TTC21B: variants seen among roughly 807,000 people sequenced by gnomAD.
TTC21B encodes tetratricopeptide repeat protein 21B.
In TTC21B, 127 loss-of-function variants were observed where a neutral mutation model predicts 175.1. That is an observed-to-expected ratio of 0.73 (90% CI 0.63 to 0.84). The LOEUF (loss-of-function observed/expected upper bound fraction) is 0.84. Ranked by LOEUF, TTC21B falls within the 40% of genes least tolerant of loss-of-function variation. The pLI, the probability that TTC21B is intolerant of heterozygous loss-of-function variation, is 0.00. For missense variants in TTC21B, 1,561 were observed against 1,558.3 expected (o/e 1.00, Z -0.03); for synonymous variants, 524 against 524.5 (o/e 1.00, Z 0.01).
At chr2:165,906,720 G>T (rs900162397) in intron 19 of TTC21B, among the ~76,000 whole-genome samples, 1 of 151,958 alleles carries the variant, frequency 6.6e-6, no homozygotes, top group Admixed American at 6.6e-5. Flanking sequence ...CGTGGCAGGG[G>T]GAATCACCTG....
intron 22 of TTC21B, among the ~76,000 whole-genome samples, chr2:165,895,948 T>A (rs1685347583): frequency 6.6e-6 from 1 of 151,800 alleles, no homozygotes; most frequent in African/African-American, 2.4e-5. Flanking sequence ...CAGACCATAT[T>A]TTCTCCTTTC....
chr2:165,920,544 T>TA (rs1306320880), intron 12 of TTC21B, among the ~76,000 whole-genome samples: 1 of 152,146 alleles, frequency 6.6e-6, no homozygotes, highest in Non-Finnish European at 1.5e-5. Context: ...TTAGGCATAA[T>TA]AAATTTGTGT....
At position 165,874,634 on chromosome 2, in the gene TTC21B, G is replaced by C; in HGVS notation, c.*121C>G. 4 of 856,248 alleles carry C rather than the reference G, an allele frequency of 4.7e-6. No homozygotes were observed. Among genetic ancestry groups the C allele is most frequent in the East Asian group, 2.6e-5 (1 of 37,920 alleles). The allele number at this position is 856,248 out of a possible 1,614,324, so 53.0% of individuals were successfully genotyped here. A position where few individuals can be genotyped will look rare whatever the true frequency, so the allele number is the denominator to read the frequency against. ...TGATGTACAGCAGCAACCTCTGCTG[G>C]AGAAAAAAGGGTATACTTCTAATAA... On this transcript the variant is annotated 3_prime_UTR_variant, in exon 29 of 29. Coordinates refer to ENST00000243344, the MANE Select transcript of TTC21B (RefSeq NM_024753.5).
rs1684608646 is a variant in TTC21B, at chr2:165,874,709, A to G, written c.*46T>C. On this transcript the variant is annotated 3_prime_UTR_variant, in exon 29 of 29. Transcript: ENST00000243344. ...TTGAACAGGAAGAACTGAAAGTTAGATTTCTTTCATTTCCTGTTAAACCAA... is the reference window on the plus strand; with the variant it reads ...TTGAACAGGAAGAACTGAAAGTTAGGTTTCTTTCATTTCCTGTTAAACCAA... 2 of 1,529,594 alleles carry G rather than the reference A, an allele frequency of 1.3e-6. No homozygotes were observed. Among genetic ancestry groups the G allele is most frequent in the African/African-American group, 1.4e-5 (1 of 73,408 alleles). The allele number at this position is 1,529,594 out of a possible 1,614,324, so 94.8% of individuals were successfully genotyped here. A position where few individuals can be genotyped will look rare whatever the true frequency, so the allele number is the denominator to read the frequency against.
At chr2:165,903,225 G>C (rs944565364) in intron 19 of TTC21B, among the ~76,000 whole-genome samples, 2 of 152,154 alleles carry the variant, frequency 1.3e-5, no homozygotes, top group South Asian at 2.1e-4. Flanking sequence ...AGTCAGGTAA[G>C]AATTAAAGAA....
Position 165,943,225 on chromosome 2 carries a change from C to T in TTC21B, c.546G>A (p.Leu182=). 6.2e-7 allele frequency: 1 copy of T among 1,613,612 alleles called. No homozygotes were observed. Among genetic ancestry groups the T allele is most frequent in the African/African-American group, 1.3e-5 (1 of 75,036 alleles). The part of the protein sequence containing the change: ...LQDGNDTFAL[L]GKAQCLEMRQ... ...TACCCTAACTCCAACTCACCTTACC[C>T]AGCAGAGCAAAAGTATCATTCCCAT... The change falls in exon 5 of 29, where the codon CTG becomes CTA. Residue 182 remains leucine, a synonymous_variant. Coordinates refer to ENST00000243344, the MANE Select transcript of TTC21B (RefSeq NM_024753.5).
At position 165,930,732 on chromosome 2, in the gene TTC21B, G is replaced by GTGTGTGTGTGTGT; in HGVS notation, c.895-369_895-368insACACACACACACA. On this transcript the variant is annotated intron_variant, in intron 8 of 28. Coordinates refer to ENST00000243344, the MANE Select transcript of TTC21B (RefSeq NM_024753.5). ...TATTTTATGGTTACGTGGGTATGGG[G>GTGTGTGTGTGTGT]GTGTGTGTGTGTGTGTGTGTGTGTG... is the stretch of plus-strand genomic sequence containing the variant. Among the ~76,000 whole-genome samples the GTGTGTGTGTGTGT allele has an allele frequency of 1.7e-3, 193 of 110,712 alleles. 9 individuals are homozygous for GTGTGTGTGTGTGT. The highest frequency in any genetic ancestry group is 2.1e-3 in the Non-Finnish European group (100 of 48,210). 72.6% of individuals were successfully genotyped at this position (110,712 alleles called of 152,430 possible). A position where few individuals can be genotyped will look rare whatever the true frequency, so the allele number is the denominator to read the frequency against.
chr2:165,950,517 T>C (rs116159026), intron 1 of TTC21B, among the ~76,000 whole-genome samples: 69 of 152,290 alleles, frequency 4.5e-4, no homozygotes, highest in Non-Finnish European at 8.2e-4. Context: ...GGCCACCCCA[T>C]ACCTACCTAC....
intron 24 of TTC21B, among the ~76,000 whole-genome samples, chr2:165,889,123 C>A (rs1291569650): frequency 6.6e-6 from 1 of 152,070 alleles, no homozygotes; most frequent in Non-Finnish European, 1.5e-5. Context: ...ACACACAAAC[C>A]CATGCACATA....
Position 165,874,790 on chromosome 2 carries a change from T to C in TTC21B, c.3916A>G (p.Ile1306Val). The C allele has an allele frequency of 1.9e-6, 3 of 1,613,796 alleles. No individual in the cohort carries two copies. The highest frequency in any genetic ancestry group is 1.1e-5 in the South Asian group (1 of 91,084). Residue 1306 changes from isoleucine to valine, a missense_variant, in exon 29 of 29, where the codon ATA becomes GTA. Coordinates refer to ENST00000243344, the MANE Select transcript of TTC21B (RefSeq NM_024753.5). ...AAAGACGCACGGGCCTTATCAAGTA[T>C]ATCCTTTCTGATTTTTGGATAAGTT... ...HPTYPKIRKD[I>V]LDKARASLRP
At chr2:165,906,200 T>C (rs1027004022) in intron 19 of TTC21B, among the ~76,000 whole-genome samples, 2 of 91,538 alleles carry the variant, frequency 2.2e-5, no homozygotes, top group East Asian at 5.8e-4. Flanking sequence ...TTCAAATGAA[T>C]AGGAAAATAA....
chr2:165,915,369 G>C lies in TTC21B; in HGVS notation c.1970C>G (p.Thr657Ser). Reference protein sequence around the residue: ...FSGTSEEVRVTIANADLALAQ... With the variant: ...FSGTSEEVRVSIANADLALAQ... ...TAGAGCAAGGTCTGCATTAGCAATG[G>C]TAACCCGCACTTCTTCAGATGTTCC... The change falls in exon 15 of 29, where the codon ACC becomes AGC. Residue 657 changes from threonine to serine, a missense_variant. Physicochemically the swap from Thr to Ser is moderately conservative, Grantham distance 58. Transcript: ENST00000243344. 1 of 1,614,098 alleles carries C rather than the reference G, an allele frequency of 6.2e-7. No homozygotes were observed. Among genetic ancestry groups the C allele is most frequent in the Non-Finnish European group, 8.5e-7 (1 of 1,179,982 alleles).
At chr2:165,888,245 T>C (rs1685073849) in intron 25 of TTC21B, 34 bp downstream of exon 25, 1 of 1,455,854 alleles carries the variant, frequency 6.9e-7, no homozygotes, top group Non-Finnish European at 9.7e-7. Context: ...CAAATAAAGA[T>C]ACCACATGAA....
At chr2:165,922,729 C>T (rs966938166) in intron 12 of TTC21B, among the ~76,000 whole-genome samples, 1 of 152,082 alleles carries the variant, frequency 6.6e-6, no homozygotes, top group African/African-American at 2.4e-5. Flanking sequence ...AATCCCACTA[C>T]TAGATATCTA....
Position 165,880,797 on chromosome 2 carries a change from A to AG in TTC21B, c.3686dup (p.Cys1230LeufsTer6). On this transcript the variant is annotated frameshift_variant and splice_region_variant, in exon 27 of 29. Transcript: ENST00000243344. LOFTEE classifies it high-confidence loss of function. ...CCATATATTCATAAGCTTTGCAGCAAGACTGAAGAAAAATGGGAGACATCA... is the reference window on the plus strand; with the variant it reads ...CCATATATTCATAAGCTTTGCAGCAAGGACTGAAGAAAAATGGGAGACATCA... 1 of 1,612,270 alleles carries AG rather than the reference A, an allele frequency of 6.2e-7. No individual in the cohort carries two copies. The highest frequency in any genetic ancestry group is 2.2e-5 in the East Asian group (1 of 44,726).
In TTC21B at chr2:165,929,722, T is replaced by A. The variant is rs773750065; in HGVS notation, c.1113A>T (p.Glu371Asp). Reference sequence around the variant, plus strand: ...GCTGATCTGCATCCTGTAATTGCCCTTCTATCAACTGACATTGGATAAATC... The same window carrying A: ...GCTGATCTGCATCCTGTAATTGCCCATCTATCAACTGACATTGGATAAATC... ...LVGFIQCQLI[E>D]GQLQDADQQL... Residue 371 changes from glutamate to aspartate, a missense_variant, in exon 10 of 29, where the codon GAA becomes GAT. By Grantham distance (45) the Glu-to-Asp change is conservative (BLOSUM62 2). Coordinates refer to ENST00000243344, the MANE Select transcript of TTC21B (RefSeq NM_024753.5). 3 of 1,612,334 alleles carry A rather than the reference T, an allele frequency of 1.9e-6. No individual in the cohort carries two copies. The highest frequency in any genetic ancestry group is 2.5e-6 in the Non-Finnish European group (3 of 1,178,950).
intron 19 of TTC21B, among the ~76,000 whole-genome samples, chr2:165,906,777 C>G (rs1685749634): frequency 6.6e-6 from 1 of 151,772 alleles, no homozygotes; most frequent in South Asian, 2.1e-4. Context: ...GAAACCCTGT[C>G]TCTGCTAAAA....
intron 19 of TTC21B, among the ~76,000 whole-genome samples, chr2:165,907,049 T>C (rs942351233): frequency 2.6e-5 from 4 of 151,926 alleles, no homozygotes. Flanking sequence ...TAAAACATCT[T>C]TAAATTCCAG....
intron 19 of TTC21B, 111 bp from the exon 20 acceptor site, chr2:165,902,021 T>G: frequency 1.1e-6 from 1 of 928,678 alleles, no homozygotes; most frequent in South Asian, 1.6e-5. Context: ...GAACCCTTGA[T>G]CTAACAAAGT....
Sources: allele counts gnomAD v4.1 joint callset (sites outside exome capture counted in the v4.1 genomes callset), GRCh38; gene constraint gnomAD v4.1.1; transcripts MANE v1.5; gene names NCBI Gene and HGNC (gene_info 2026-07-23, HGNC 2026-07-21).